Variants in EPB41 observed in about 807,000 individuals in gnomAD.
EPB41 encodes the protein erythrocyte membrane protein band 4.1, also known as protein 4.1.
A neutral mutation model predicts 108.0 loss-of-function variants in EPB41; 65 were observed. The ratio of observed to expected loss-of-function variants is 0.60; its 90% CI spans 0.49 to 0.74. EPB41 has a LOEUF of 0.74. Ranked by LOEUF, EPB41 falls within the 30% of genes least tolerant of loss-of-function variation. The probability of loss-of-function intolerance (pLI) is 0.00; values close to 1 mark genes in which losing one functional copy is unlikely to be tolerated. For synonymous variants in EPB41, 336 were observed against 358.9 expected (o/e 0.94, Z 0.72); for missense variants, 875 against 1,037.0 (o/e 0.84, Z 2.15).
intron 4 of EPB41, among the ~76,000 whole-genome samples, chr1:29,005,355 C>T (rs2096382046): frequency 6.6e-6 from 1 of 152,110 alleles, no homozygotes; most frequent in Admixed American, 6.5e-5. Flanking sequence ...CCCACCAAGC[C>T]CCACCTCCAA....
rs117114059 is a variant in EPB41, at chr1:29,079,917, G to A, written c.2184+14759G>A. Among the ~76,000 whole-genome samples, 1,457 of 151,832 alleles carry A rather than the reference G, an allele frequency of 9.6e-3. 64 individuals are homozygous for A. In the East Asian group the frequency reaches 0.12, roughly 12 times the overall value. On this transcript the variant is annotated intron_variant, in intron 16 of 20. Transcript: ENST00000343067. ...GAGGCTGAGGCAGGAGAATTGCTCCGCCTGGGTGGCGGAGGTTGCAGTGAG... is the reference window on the plus strand; with the variant it reads ...GAGGCTGAGGCAGGAGAATTGCTCCACCTGGGTGGCGGAGGTTGCAGTGAG...
chr1:28,947,301 G>A (rs2094518551), intron 1 of EPB41, among the ~76,000 whole-genome samples: 1 of 151,584 alleles, frequency 6.6e-6, no homozygotes, highest in Non-Finnish European at 1.5e-5. Flanking sequence ...CCAGCTACTC[G>A]GAAGGCTGAG....
Position 29,117,979 on chromosome 1 carries a change from C to T in EPB41, c.*1167C>T, listed in dbSNP as rs1267490965. On this transcript the variant is annotated 3_prime_UTR_variant, in exon 21 of 21. Coordinates refer to ENST00000343067, the MANE Select transcript of EPB41 (RefSeq NM_001376013.1). ...AGCCCCAGCCCTGCTCATTCCCACT[C>T]ACCAGCTGAGGTCTGTCAGGTTTTG... 1.3e-5 allele frequency: 2 copies of T among 152,468 alleles called. No individual in the cohort carries two copies. The highest frequency in any genetic ancestry group is 2.4e-5 in the African/African-American group (1 of 41,462). 9.4% of individuals were successfully genotyped at this position (152,468 alleles called of 1,614,324 possible).
chr1:29,062,197 G>A (rs1321066855), intron 15 of EPB41, among the ~76,000 whole-genome samples: 1 of 152,194 alleles, frequency 6.6e-6, no homozygotes, highest in Non-Finnish European at 1.5e-5. Flanking sequence ...TCAGAGACTA[G>A]GAAGAATAGT....
Position 28,887,299 on chromosome 1 carries a change from G to A in EPB41, c.-8+89G>A. 2.5e-6 allele frequency: 3 copies of A among 1,221,406 alleles called. No homozygotes were observed. Among genetic ancestry groups the A allele is most frequent in the South Asian group, 2.7e-5 (2 of 73,204 alleles). The allele number at this position is 1,221,406 out of a possible 1,614,324, so 75.7% of individuals were successfully genotyped here. ...GAACCTACCCCCAAGGGCTCGGACCGTCCCGGGAGAGGCGAGACCAGGGTC... is the reference window on the plus strand; with the variant it reads ...GAACCTACCCCCAAGGGCTCGGACCATCCCGGGAGAGGCGAGACCAGGGTC... On this transcript the variant is annotated intron_variant, in intron 1 of 16. Transcript: ENST00000347529. This position sits in a 1 kb window ranked among gnomAD's most constrained non-coding sequence, Gnocchi z 4.9.
chr1:29,010,798 T>G (rs934617858), intron 4 of EPB41, among the ~76,000 whole-genome samples: 2 of 152,218 alleles, frequency 1.3e-5, no homozygotes. Context: ...GCACAAGCCA[T>G]GTACTGAATA....
At chr1:29,001,114 G>A (rs1194085328) in intron 4 of EPB41, among the ~76,000 whole-genome samples, 2 of 151,980 alleles carry the variant, frequency 1.3e-5, no homozygotes, top group Non-Finnish European at 2.9e-5. Flanking sequence ...GAACTGGGTG[G>A]ATCACCTGAG....
chr1:29,088,110 G>A (rs143895863), intron 16 of EPB41, among the ~76,000 whole-genome samples: 4,169 of 146,214 alleles, frequency 0.029, 96 homozygotes, highest in South Asian at 0.042. Flanking sequence ...GCAGTGGCAC[G>A]ATTTCAGCTC....
chr1:29,047,532 G>A (rs1464180415), intron 11 of EPB41, among the ~76,000 whole-genome samples: 1 of 151,596 alleles, frequency 6.6e-6, no homozygotes, highest in African/African-American at 2.4e-5. Flanking sequence ...GGGATTATAG[G>A]TGTGAGTCAT....
chr1:29,073,506 C>G (rs1652478827), intron 16 of EPB41, among the ~76,000 whole-genome samples: 1 of 152,214 alleles, frequency 6.6e-6, no homozygotes, highest in African/African-American at 2.4e-5. Flanking sequence ...CAAAAACATA[C>G]ATTAACTTCT....
chr1:29,058,783 C>T, intron 13 of EPB41, 28 bp from the exon 14 acceptor site: 1 of 1,537,824 alleles, frequency 6.5e-7, no homozygotes, highest in Non-Finnish European at 8.8e-7. Context: ...TATCATTTTT[C>T]TTTCTTTTTT....
At chr1:29,029,839 G>T (rs530272438) in intron 7 of EPB41, among the ~76,000 whole-genome samples, 1 of 152,288 alleles carries the variant, frequency 6.6e-6, no homozygotes, top group Admixed American at 6.5e-5. Context: ...CAGTGGGCAG[G>T]ACACCATCTG....
At chr1:28,979,171 A>G (rs1389461043) in intron 1 of EPB41, among the ~76,000 whole-genome samples, 2 of 151,574 alleles carry the variant, frequency 1.3e-5, no homozygotes, top group South Asian at 2.1e-4. Context: ...AGTTAAGTGT[A>G]TGAGGCTACT....
intron 10 of EPB41, among the ~76,000 whole-genome samples, chr1:29,037,794 A>G (rs1053829670): frequency 6.6e-6 from 1 of 152,078 alleles, no homozygotes; most frequent in Non-Finnish European, 1.5e-5. Context: ...TTGGCCTCTC[A>G]AAGTGCTGTG....
intron 4 of EPB41, among the ~76,000 whole-genome samples, chr1:29,006,633 C>T (rs938847702): frequency 6.6e-6 from 1 of 152,004 alleles, no homozygotes; most frequent in Non-Finnish European, 1.5e-5. Flanking sequence ...TGTGTCCCTT[C>T]CAGTCACTAC....
chr1:28,895,597 C>A (rs1419550425), intron 1 of EPB41, among the ~76,000 whole-genome samples: 2 of 152,146 alleles, frequency 1.3e-5, no homozygotes, highest in Non-Finnish European at 2.9e-5. Flanking sequence ...TCAAGCAATT[C>A]TCCTGTCTCA....
chr1:28,898,576 T>A (rs761546810), intron 1 of EPB41, among the ~76,000 whole-genome samples: 1 of 152,242 alleles, frequency 6.6e-6, no homozygotes, highest in Non-Finnish European at 1.5e-5. Context: ...AATTAAGCCA[T>A]CATTATTTAG....
At chr1:28,901,726 G>A (rs2091341029) in intron 1 of EPB41, among the ~76,000 whole-genome samples, 1 of 151,978 alleles carries the variant, frequency 6.6e-6, no homozygotes, top group South Asian at 2.1e-4. Context: ...TAGAGACAGG[G>A]TTTCGCCATG....
intron 17 of EPB41, among the ~76,000 whole-genome samples, chr1:29,106,698 T>G (rs1667308528): frequency 6.8e-6 from 1 of 147,858 alleles, no homozygotes. Context: ...CTCAGCCTCC[T>G]GAGTGGCTGG....
Sources: allele counts gnomAD v4.1 joint callset (sites outside exome capture counted in the v4.1 genomes callset), GRCh38; gene constraint gnomAD v4.1.1; non-coding constraint Gnocchi (gnomAD v3.1); transcripts MANE v1.5; gene names NCBI Gene and HGNC (gene_info 2026-07-23, HGNC 2026-07-21).